The following ZNF668 variants were observed in gnomAD, a reference collection of about 807,000 sequenced individuals.
ZNF668 encodes zinc finger protein 668.
ZNF668 carries 10 observed loss-of-function variants against 40.3 expected under a neutral mutation model. The ratio of observed to expected loss-of-function variants is 0.25; its 90% CI spans 0.15 to 0.42. ZNF668 has a LOEUF of 0.42. Ranked by LOEUF, ZNF668 falls within the 10% of genes least tolerant of loss-of-function variation. The pLI, the probability that ZNF668 is intolerant of heterozygous loss-of-function variation, is 1.00. For missense variants in ZNF668, 749 were observed against 904.6 expected (o/e 0.83, Z 2.21); for synonymous variants, 428 against 384.6 (o/e 1.11, Z -1.32).
intron 1 of ZNF668, chr16:31,068,761 C>T (rs902105664): frequency 6.6e-6 from 1 of 151,740 alleles, no homozygotes; most frequent in African/African-American, 2.4e-5. Context: ...CATGCACCAT[C>T]ATGCCTGGCT....
In ZNF668 at chr16:31,063,771, G is replaced by C. The variant is rs367706484; in HGVS notation, c.647+42C>G. The C allele has an allele frequency of 2.9e-4, 426 of 1,488,532 alleles. 3 individuals carry two copies. The South Asian group carries it at 3.0e-3, about 10-fold the overall frequency. The allele number at this position is 1,488,532 out of a possible 1,614,324, so 92.2% of individuals were successfully genotyped here. A position where few individuals can be genotyped will look rare whatever the true frequency, so the allele number is the denominator to read the frequency against. ...CCCCATTGGCTGCAGCAACGCTGTC[G>C]CCCTGCCCCGGAAGGCGCCCTGCCC... is the stretch of plus-strand genomic sequence containing the variant. On this transcript the variant is annotated intron_variant, in intron 2 of 2. Coordinates refer to ENST00000300849, the MANE Select transcript of ZNF668 (RefSeq NM_024706.5).
At chr16:31,063,031 T>C (rs113276340) in intron 2 of ZNF668, among the ~76,000 whole-genome samples, 1 of 151,888 alleles carries the variant, frequency 6.6e-6, no homozygotes, top group Admixed American at 6.6e-5. Context: ...GAGGCGGAGG[T>C]TGCGGTGAGC....
intron 2 of ZNF668, 52 bp from the exon 3 acceptor site, chr16:31,062,332 C>T (rs2143757515): frequency 1.3e-6 from 2 of 1,536,510 alleles, no homozygotes; most frequent in South Asian, 1.2e-5. Context: ...ATAACGTGAC[C>T]CCACTGCCTG....
chr16:31,063,830 G>A lies in ZNF668; in HGVS notation c.630C>T (p.Asp210=). The change falls in exon 2 of 3, where the codon GAC becomes GAT. Residue 210 remains aspartate, a synonymous_variant. Transcript: ENST00000300849. ...ACCCTCACCGCTCATGGTTGCGGAG[G>A]TCCTTGAGCTCCGCATAGGCTTTGC... ...RCGKAYAELK[D]LRNHERSHTG... is the part of the protein sequence containing the mutation. The A allele has an allele frequency of 4.4e-6, 7 of 1,577,782 alleles. No individual in the cohort carries two copies. Among genetic ancestry groups the A allele is most frequent in the Non-Finnish European group, 5.2e-6 (6 of 1,156,828 alleles).
chr16:31,066,854 G>A (rs886242246), intron 1 of ZNF668, among the ~76,000 whole-genome samples: 2 of 152,096 alleles, frequency 1.3e-5, no homozygotes, highest in African/African-American at 4.8e-5. Flanking sequence ...TCTTCCAGAC[G>A]GTTTCTGGAG....
intron 2 of ZNF668, 97 bp from the exon 3 acceptor site, chr16:31,062,377 G>C: frequency 2.0e-6 from 3 of 1,467,820 alleles, no homozygotes; most frequent in Non-Finnish European, 2.7e-6. Context: ...CCAAACGTTC[G>C]TGGGGGCCTA....
In ZNF668 at chr16:31,064,495, A is replaced by G. The variant is rs2056966604; in HGVS notation, c.-22-14T>C. The G allele has an allele frequency of 6.2e-7, 1 of 1,602,804 alleles. No individual in the cohort carries two copies. The highest frequency in any genetic ancestry group is 1.3e-5 in the African/African-American group (1 of 74,948). The stretch of plus-strand genomic sequence containing the variant: ...AACGGGGTTTCTCTGCAAGAGAAGC[A>G]AAGTTAGACCAAAGCCACATACCTT... On this transcript the variant is annotated splice_polypyrimidine_tract_variant and intron_variant, in intron 1 of 2. Transcript: ENST00000300849.
At chr16:31,063,760 G>A (rs1044666927) in intron 2 of ZNF668, 53 bp downstream of exon 2, 3 of 1,463,528 alleles carry the variant, frequency 2.0e-6, no homozygotes, top group African/African-American at 2.8e-5. Flanking sequence ...ATTGGCTGCA[G>A]CAACGCTGTC....
At chr16:31,065,925 A>G (rs945963950) in intron 1 of ZNF668, 3 of 638,586 alleles carry the variant, frequency 4.7e-6, no homozygotes, top group Admixed American at 1.3e-4. Flanking sequence ...AAGTTATGAC[A>G]CTGGGGTTCA....
chr16:31,065,072 G>A (rs1043329275), intron 1 of ZNF668: 8 of 1,033,574 alleles, frequency 7.7e-6, no homozygotes, highest in South Asian at 7.5e-5. Context: ...ACGGGCCTCC[G>A]CCCCAGACTG....
Position 31,064,259 on chromosome 16 carries a change from C to G in ZNF668, c.201G>C (p.Glu67Asp). The G allele has an allele frequency of 1.9e-6, 3 of 1,613,728 alleles. No individual in the cohort carries two copies. Among genetic ancestry groups the G allele is most frequent in the Non-Finnish European group, 2.5e-6 (3 of 1,180,020 alleles). ...CTGACACCTTCTCCCCACTGGCTTCCTCTGCCTTAGCTTCTGTCTCTGGCT... is the reference window on the plus strand; with the variant it reads ...CTGACACCTTCTCCCCACTGGCTTCGTCTGCCTTAGCTTCTGTCTCTGGCT... The part of the protein sequence containing the change: ...KPKPETEAKA[E>D]EASGEKVSGS... The change falls in exon 2 of 3, where the codon GAG becomes GAC. Residue 67 changes from glutamate (E) to aspartate (D), a missense_variant. Glu to Asp is a conservative substitution (Grantham distance 45). Around this residue, in one of 4 missense-constraint regions of ZNF668, gnomAD observed 159 missense variants for 139.8 expected, o/e 1.14. Coordinates refer to ENST00000300849, the MANE Select transcript of ZNF668 (RefSeq NM_024706.5).
At chr16:31,064,859 C>G (rs576514538) in intron 1 of ZNF668, 4 of 1,432,470 alleles carry the variant, frequency 2.8e-6, no homozygotes, top group Non-Finnish European at 3.6e-6. Context: ...TGTACCCAGA[C>G]GTGGGCCTGG....
Position 31,064,415 on chromosome 16 carries a change from G to A in ZNF668, c.45C>T (p.Tyr15=), listed in dbSNP as rs2056965582. Residue 15 remains tyrosine, a synonymous_variant, in exon 2 of 3, where the codon TAC becomes TAT. Transcript: ENST00000300849. ...ACTTGTAGCGGCGGCCCGAGCGCTT[G>A]TAGCCGGGGGCTGGGGACCGGGCCT... ...AAEARSPAPG[Y]KRSGRRYKCL... 6.2e-7 allele frequency: 1 copy of A among 1,613,020 alleles called. No homozygotes were observed. The highest frequency in any genetic ancestry group is 1.3e-5 in the African/African-American group (1 of 75,076).
Position 31,062,238 on chromosome 16 carries a change from C to T in ZNF668, c.690G>A (p.Gly230=). The T allele has an allele frequency of 1.9e-6, 3 of 1,611,604 alleles. No individual in the cohort carries two copies. Among genetic ancestry groups the T allele is most frequent in the Non-Finnish European group, 2.5e-6 (3 of 1,178,788 alleles). The change falls in exon 3 of 3, where the codon GGG becomes GGA. Residue 230 remains glycine (G), a synonymous_variant. Coordinates refer to ENST00000300849, the MANE Select transcript of ZNF668 (RefSeq NM_024706.5). The stretch of plus-strand genomic sequence containing the variant: ...GCGAGGATGAGCGGGAGAAGCTCTT[C>T]CCGCACTCGGAGCAGAGGAAGGGGC... ...GERPFLCSEC[G]KSFSRSSSLT...
At chr16:31,064,569 C>A in intron 1 of ZNF668, 88 bp from the exon 2 acceptor site, 1 of 1,572,752 alleles carries the variant, frequency 6.4e-7, no homozygotes, top group East Asian at 2.3e-5. Flanking sequence ...CTGCATTTCT[C>A]ACCTCGGAAC....
chr16:31,064,162 G>A lies in ZNF668; in HGVS notation c.298C>T (p.Arg100Cys). Reference sequence around the variant, plus strand: ...CCCGTGTGGCTGCGCCCGTGGCTGCGCAGCTCGGGTGCCGTCTTGTAGGCC... The same window carrying A: ...CCCGTGTGGCTGCGCCCGTGGCTGCACAGCTCGGGTGCCGTCTTGTAGGCC... ...PKAYKTAPEL[R>C]SHGRSHTGEK... Residue 100 changes from arginine (R) to cysteine (C), a missense_variant, in exon 2 of 3, where the codon CGC (arginine) becomes TGC (cysteine). By Grantham distance (180) the Arg-to-Cys change is radical (BLOSUM62 -3). Around this residue, in one of 4 missense-constraint regions of ZNF668, gnomAD observed 159 missense variants for 139.8 expected, o/e 1.14. Transcript: ENST00000300849. 5 of 1,609,676 alleles carry A rather than the reference G, an allele frequency of 3.1e-6. No homozygotes were observed. Among genetic ancestry groups the A allele is most frequent in the Non-Finnish European group, 4.2e-6 (5 of 1,179,422 alleles).
chr16:31,073,139 G>A (rs1474127343), intron 1 of ZNF668: 1 of 152,410 alleles, frequency 6.6e-6, no homozygotes, highest in Non-Finnish European at 1.5e-5. Context: ...CTGGAGGGCA[G>A]GACCCCGGTT....
intron 1 of ZNF668, chr16:31,065,948 T>G: frequency 2.2e-6 from 2 of 898,538 alleles, no homozygotes; most frequent in Non-Finnish European, 2.7e-6. Flanking sequence ...AGGAGGAAAC[T>G]GAGCTGAGCC....
chr16:31,065,451 G>GT (rs2056973681), intron 1 of ZNF668: 1 of 152,666 alleles, frequency 6.6e-6, no homozygotes, highest in Non-Finnish European at 1.5e-5. Context: ...GGTCTGAGGA[G>GT]TGGGGGCTGC....
Sources: allele counts gnomAD v4.1 joint callset (sites outside exome capture counted in the v4.1 genomes callset), GRCh38; gene constraint gnomAD v4.1.1; regional missense constraint gnomAD v4.1.1; transcripts MANE v1.5; gene names NCBI Gene and HGNC (gene_info 2026-07-23, HGNC 2026-07-21).